Variants in EIF2A observed in about 807,000 individuals in gnomAD.
EIF2A encodes eukaryotic translation initiation factor 2A.
EIF2A carries 62 observed loss-of-function variants against 75.2 expected under a neutral mutation model. That is an observed-to-expected ratio of 0.82 (90% CI 0.67 to 1.02). The LOEUF (loss-of-function observed/expected upper bound fraction) is 1.02, where lower values mean the gene tolerates loss of function less well. EIF2A is among the 50% of genes least tolerant of loss of function. EIF2A has a pLI of 0.00. For missense variants in EIF2A, 611 were observed against 677.7 expected, an observed-to-expected ratio of 0.90 and a Z score of 1.09; for synonymous variants, 207 against 239.0, an observed-to-expected ratio of 0.87 and a Z score of 1.23.
chr3:150,563,876 G>A (rs916826475), intron 5 of EIF2A, among the ~76,000 whole-genome samples: 7 of 152,120 alleles, frequency 4.6e-5, no homozygotes, highest in Admixed American at 2.6e-4. Flanking sequence ...GGAGTGCAAT[G>A]GCCTGATCTT....
At chr3:150,561,428 A>G (rs555377462) in intron 3 of EIF2A, among the ~76,000 whole-genome samples, 1 of 152,290 alleles carries the variant, frequency 6.6e-6, no homozygotes, top group Admixed American at 6.5e-5. Context: ...AAATACAAAA[A>G]TTAGCCAGGC....
In EIF2A at chr3:150,558,377, G is replaced by A; in HGVS notation, c.99-11G>A. 2.1e-6 allele frequency: 3 copies of A among 1,416,766 alleles called. No individual in the cohort carries two copies. The highest frequency in any genetic ancestry group is 1.4e-5 in the South Asian group (1 of 70,116). 87.8% of individuals were successfully genotyped at this position (1,416,766 alleles called of 1,614,324 possible). ...TTATTCATTTAAACCTTTTTTTTTT[G>A]TCATTTTCAGGGAATCTGGGAAGAA... On this transcript the variant is annotated splice_polypyrimidine_tract_variant and intron_variant, in intron 2 of 13. Coordinates refer to ENST00000460851, the MANE Select transcript of EIF2A (RefSeq NM_032025.5).
At chr3:150,549,353 G>C (rs545058075) in intron 1 of EIF2A, among the ~76,000 whole-genome samples, 2 of 151,904 alleles carry the variant, frequency 1.3e-5, no homozygotes, top group Non-Finnish European at 2.9e-5. Flanking sequence ...TGAGTAGCTG[G>C]GATTACAGGC....
intron 10 of EIF2A, 38 bp from the exon 11 acceptor site, chr3:150,575,611 A>C: frequency 6.6e-7 from 1 of 1,513,756 alleles, no homozygotes; most frequent in South Asian, 1.2e-5. Context: ...TGTTTACAAC[A>C]TGGACTCCAT....
intron 1 of EIF2A, among the ~76,000 whole-genome samples, chr3:150,548,608 G>A (rs1286196560): frequency 6.6e-6 from 1 of 152,184 alleles, no homozygotes; most frequent in East Asian, 1.9e-4. Flanking sequence ...GGGCATTAGA[G>A]CCTCATAAGA....
At chr3:150,564,424 C>A in intron 6 of EIF2A, 43 bp downstream of exon 6, 2 of 1,465,122 alleles carry the variant, frequency 1.4e-6, no homozygotes, top group South Asian at 2.6e-5. Flanking sequence ...TTACTGTAAT[C>A]GTATACAGTT....
At chr3:150,572,597 G>A (rs1450113734) in intron 10 of EIF2A, 68 bp downstream of exon 10, 29 of 1,448,292 alleles carry the variant, frequency 2.0e-5, no homozygotes, top group Admixed American at 6.3e-5. Flanking sequence ...GTTCACATCC[G>A]TAATCCCAGC....
At chr3:150,583,302 C>T (rs1179906054) in intron 13 of EIF2A, 37 bp downstream of exon 13, 1 of 1,583,110 alleles carries the variant, frequency 6.3e-7, no homozygotes, top group Non-Finnish European at 8.6e-7. Context: ...TTGTGGTGAC[C>T]ACCAGCCTTC....
chr3:150,548,217 A>G (rs926886605), intron 1 of EIF2A, among the ~76,000 whole-genome samples: 1 of 152,166 alleles, frequency 6.6e-6, no homozygotes, highest in African/African-American at 2.4e-5. Flanking sequence ...GTACTATCCT[A>G]TGCCTCTTGT....
chr3:150,561,738 T>C (rs1001567436), intron 3 of EIF2A, among the ~76,000 whole-genome samples: 2 of 152,156 alleles, frequency 1.3e-5, no homozygotes, highest in Non-Finnish European at 2.9e-5. Flanking sequence ...ATGTGTCTTC[T>C]ATTTTATATC....
Position 150,583,933 on chromosome 3 carries a change from A to T in EIF2A, c.*22A>T, listed in dbSNP as rs754604496. The T allele has an allele frequency of 1.4e-5, 22 of 1,612,130 alleles. No homozygotes were observed. The highest frequency in any genetic ancestry group is 1.9e-5 in the Non-Finnish European group (22 of 1,178,558). ...TTAAAGATTCACGGAAAGCAAGTTG[A>T]TGACCAGAAATCAGTGCAAACACAT... On this transcript the variant is annotated 3_prime_UTR_variant, in exon 14 of 14. Coordinates refer to ENST00000460851, the MANE Select transcript of EIF2A (RefSeq NM_032025.5).
At chr3:150,568,833 C>G (rs983142744) in intron 9 of EIF2A, among the ~76,000 whole-genome samples, 2 of 152,200 alleles carry the variant, frequency 1.3e-5, no homozygotes, top group East Asian at 1.9e-4. Context: ...AGGAGGATCA[C>G]TTGAGCCCAG....
At chr3:150,554,121 A>G (rs1203105640) in intron 2 of EIF2A, among the ~76,000 whole-genome samples, 1 of 152,228 alleles carries the variant, frequency 6.6e-6, no homozygotes, top group African/African-American at 2.4e-5. Context: ...GGTCGTAGGA[A>G]GCAACTTGAA....
intron 10 of EIF2A, among the ~76,000 whole-genome samples, chr3:150,572,733 G>A (rs1431260408): frequency 1.3e-5 from 2 of 151,888 alleles, no homozygotes; most frequent in African/African-American, 2.4e-5. Context: ...GCGCATGCCC[G>A]TAGTCCCGGC....
chr3:150,562,230 G>A (rs7427005), intron 3 of EIF2A, among the ~76,000 whole-genome samples: 3 of 151,328 alleles, frequency 2.0e-5, no homozygotes, highest in African/African-American at 4.9e-5. Context: ...AGACCATCCT[G>A]GCTAACACGG....
At chr3:150,575,400 G>C (rs1247349220) in intron 10 of EIF2A, among the ~76,000 whole-genome samples, 1 of 152,078 alleles carries the variant, frequency 6.6e-6, no homozygotes, top group Non-Finnish European at 1.5e-5. Context: ...AATTCTGTTT[G>C]AACAAAACTA....
intron 2 of EIF2A, among the ~76,000 whole-genome samples, chr3:150,555,574 GT>G (rs1368413943): frequency 2.0e-5 from 3 of 150,156 alleles, no homozygotes; most frequent in African/African-American, 4.9e-5. Flanking sequence ...GCACATTAAT[GT>G]TTGAGAAGCA....
chr3:150,575,781 T>A lies in EIF2A; in HGVS notation c.1497+19T>A. 5.0e-6 allele frequency: 8 copies of A among 1,589,706 alleles called. No individual in the cohort carries two copies. Among genetic ancestry groups the A allele is most frequent in the Non-Finnish European group, 6.9e-6 (8 of 1,167,318 alleles). On this transcript the variant is annotated intron_variant, in intron 11 of 13. Coordinates refer to ENST00000460851, the MANE Select transcript of EIF2A (RefSeq NM_032025.5). The stretch of plus-strand genomic sequence containing the variant: ...AAAGCAGGTATTTGGGGCACTAATC[T>A]CATAACAAAACAAATAGTCAGTTAT...
chr3:150,575,942 A>C (rs1724839160), intron 11 of EIF2A, among the ~76,000 whole-genome samples, 180 bp downstream of exon 11: 1 of 152,092 alleles, frequency 6.6e-6, no homozygotes, highest in African/African-American at 2.4e-5. Context: ...TTCAAAAATT[A>C]GTTGGCCATG....
Sources: allele counts gnomAD v4.1 joint callset (sites outside exome capture counted in the v4.1 genomes callset), GRCh38; gene constraint gnomAD v4.1.1; transcripts MANE v1.5; gene names NCBI Gene and HGNC (gene_info 2026-07-23, HGNC 2026-07-21).